The following TAFA5 variants were observed in gnomAD, a reference collection of about 807,000 sequenced individuals.
TAFA5 encodes the protein chemokine-like protein TAFA-5.
Under a neutral mutation model 15.3 loss-of-function variants are expected in TAFA5, and 6 were observed. The observed-to-expected ratio is 0.39, with a 90% CI of 0.21 to 0.77. The LOEUF is 0.77. TAFA5 is among the 30% of genes least tolerant of loss of function. The pLI is 0.41. For synonymous variants in TAFA5, 103 were observed against 80.7 expected (o/e 1.28, Z -1.48); for missense variants, 161 against 193.1 (o/e 0.83, Z 0.98).
chr22:48,567,508 T>C (rs936759073), intron 1 of TAFA5, among the ~76,000 whole-genome samples: 1 of 152,104 alleles, frequency 6.6e-6, no homozygotes, highest in African/African-American at 2.4e-5. Flanking sequence ...TGGGTGCGGG[T>C]CTGGAGATAA....
intron 2 of TAFA5, among the ~76,000 whole-genome samples, chr22:48,651,006 A>G (rs1221416010): frequency 6.6e-6 from 1 of 152,162 alleles, no homozygotes. Context: ...TCCAGCGCTC[A>G]CCCAGCCCTT....
chr22:48,506,468 T>C (rs1245400350), intron 1 of TAFA5, among the ~76,000 whole-genome samples: 2 of 152,212 alleles, frequency 1.3e-5, no homozygotes, highest in African/African-American at 4.8e-5. Flanking sequence ...AAACGCGGCA[T>C]GTCCAGGGTG....
chr22:48,644,513 A>G (rs992405191), intron 1 of TAFA5, among the ~76,000 whole-genome samples: 6 of 152,184 alleles, frequency 3.9e-5, no homozygotes, highest in African/African-American at 7.2e-5. Context: ...CCTGGTCACA[A>G]TCAGACACGG....
intron 2 of TAFA5, among the ~76,000 whole-genome samples, chr22:48,687,929 G>A (rs902262727): frequency 2.0e-5 from 3 of 152,100 alleles, no homozygotes; most frequent in South Asian, 2.1e-4. Context: ...TAAAAACTGC[G>A]GCTGCCTCTC....
intron 1 of TAFA5, among the ~76,000 whole-genome samples, chr22:48,568,676 C>G (rs1478672718): frequency 6.6e-6 from 1 of 152,232 alleles, no homozygotes; most frequent in Non-Finnish European, 1.5e-5. Flanking sequence ...ACTCGGGGCA[C>G]AGGGAGACTA....
chr22:48,536,108 TC>T (rs1400960230), intron 1 of TAFA5, among the ~76,000 whole-genome samples: 19 of 152,252 alleles, frequency 1.2e-4, no homozygotes, highest in Admixed American at 1.2e-3. Context: ...GGGTTGGTTT[TC>T]GTCTCCTGAA....
At chr22:48,613,577 C>T (rs945937777) in intron 1 of TAFA5, among the ~76,000 whole-genome samples, 4 of 152,180 alleles carry the variant, frequency 2.6e-5, no homozygotes, top group Admixed American at 1.3e-4. Flanking sequence ...GCGCTCATCT[C>T]GCCTTCCCAG....
intron 2 of TAFA5, among the ~76,000 whole-genome samples, chr22:48,703,074 C>T (rs149060605): frequency 3.2e-4 from 49 of 152,200 alleles, no homozygotes; most frequent in African/African-American, 5.8e-4. Context: ...CATGTGTGTG[C>T]GTGAACGTGT....
chr22:48,512,871 C>T (rs530922675), intron 1 of TAFA5, among the ~76,000 whole-genome samples: 1 of 138,180 alleles, frequency 7.2e-6, no homozygotes, highest in South Asian at 2.4e-4. Flanking sequence ...TGCAGTGAGC[C>T]GAGATTGTGC....
At chr22:48,498,054 AG>A (rs1215066024) in intron 1 of TAFA5, among the ~76,000 whole-genome samples, 31 of 12,850 alleles carry the variant, frequency 2.4e-3, no homozygotes, top group African/African-American at 0.014. Flanking sequence ...CTGCAAGCCT[AG>A]GGGTGGGGCT....
chr22:48,525,458 G>A lies in TAFA5; in HGVS notation c.112+35754G>A, dbSNP rs185229933. Among the ~76,000 whole-genome samples, 552 of 152,230 alleles carry A rather than the reference G, an allele frequency of 3.6e-3. 4 individuals carry two copies. The highest frequency in any genetic ancestry group is 0.012 in the African/African-American group (510 of 41,530). On this transcript the variant is annotated intron_variant, in intron 1 of 3. Transcript: ENST00000402357. ...CTCATTCTTGCCTGCCACCTGCTCCGCCTTCTGGACTCTGCTTCCAGTGCT... is the reference window on the plus strand; with the variant it reads ...CTCATTCTTGCCTGCCACCTGCTCCACCTTCTGGACTCTGCTTCCAGTGCT...
intron 1 of TAFA5, chr22:48,576,552 C>G (rs1443518341): frequency 2.6e-6 from 4 of 1,511,506 alleles, no homozygotes; most frequent in African/African-American, 1.4e-5. Context: ...TAGTGATCCA[C>G]GCGCAGTTCC....
chr22:48,660,900 T>A (rs1193139202), intron 2 of TAFA5, among the ~76,000 whole-genome samples: 1 of 151,724 alleles, frequency 6.6e-6, no homozygotes, highest in African/African-American at 2.4e-5. Flanking sequence ...ACAGCTGCTC[T>A]TACAGTCTCG....
Position 48,681,905 on chromosome 22 carries a change from C to T in TAFA5, c.263-25812C>T, listed in dbSNP as rs979460518. 3.0e-4 allele frequency among the ~76,000 whole-genome samples: 36 copies of T among 119,546 alleles called. 6 individuals are homozygous for T. Among genetic ancestry groups the T allele is most frequent in the African/African-American group, 9.5e-4 (35 of 37,002 alleles). The allele number at this position is 119,546 out of a possible 152,430, so 78.4% of individuals were successfully genotyped here. ...TTGAGGGGAAATGGCCTTAGGTTCT[C>T]GCACAGATCCGTCCACTGTCCTAGG... On this transcript the variant is annotated intron_variant, in intron 2 of 3. Coordinates refer to ENST00000402357, the MANE Select transcript of TAFA5 (RefSeq NM_001082967.3).
intron 3 of TAFA5, among the ~76,000 whole-genome samples, chr22:48,716,769 A>G (rs972746058): frequency 4.6e-5 from 7 of 152,196 alleles, no homozygotes; most frequent in South Asian, 2.1e-4. Flanking sequence ...GTGTGCATAC[A>G]TGTACATATG....
chr22:48,717,171 C>A (rs1006712688), intron 3 of TAFA5, among the ~76,000 whole-genome samples: 19 of 152,208 alleles, frequency 1.2e-4, no homozygotes, highest in South Asian at 4.1e-4. Context: ...GAGGGAAAAA[C>A]CAGGTCATGG....
chr22:48,611,215 G>A (rs903685213), intron 1 of TAFA5, among the ~76,000 whole-genome samples: 9 of 152,224 alleles, frequency 5.9e-5, no homozygotes, highest in South Asian at 4.1e-4. Flanking sequence ...GATTACAGGC[G>A]TGAGGCACCG....
At chr22:48,492,727 C>T (rs1027334946) in intron 1 of TAFA5, among the ~76,000 whole-genome samples, 6 of 152,022 alleles carry the variant, frequency 3.9e-5, no homozygotes, top group African/African-American at 1.2e-4. Context: ...GCGACCATCA[C>T]GGTGACAGCA....
At chr22:48,720,635 A>G (rs1929541311) in intron 3 of TAFA5, among the ~76,000 whole-genome samples, 1 of 152,132 alleles carries the variant, frequency 6.6e-6, no homozygotes, top group Non-Finnish European at 1.5e-5. Flanking sequence ...CCTGGTCTCC[A>G]AGACATGGGG....
Sources: allele counts gnomAD v4.1 joint callset (sites outside exome capture counted in the v4.1 genomes callset), GRCh38; gene constraint gnomAD v4.1.1; transcripts MANE v1.5; gene names NCBI Gene and HGNC (gene_info 2026-07-23, HGNC 2026-07-21).